Variants in ADD1 observed in about 807,000 individuals in gnomAD.
ADD1 encodes adducin 1, also known as alpha-adducin.
Under a neutral mutation model 80.5 loss-of-function variants are expected in ADD1, and 24 were observed. The ratio of observed to expected loss-of-function variants is 0.30; its 90% CI spans 0.22 to 0.42. The LOEUF is 0.42. Ranked by LOEUF, ADD1 falls within the 10% of genes least tolerant of loss-of-function variation. ADD1 has a pLI of 1.00. For missense variants in ADD1, 948 were observed against 1,019.0 expected (o/e 0.93, Z 0.95); for synonymous variants, 373 against 393.8 (o/e 0.95, Z 0.63).
At chr4:2,856,360 T>C (rs1728063741) in intron 1 of ADD1, among the ~76,000 whole-genome samples, 1 of 152,198 alleles carries the variant, frequency 6.6e-6, no homozygotes, top group African/African-American at 2.4e-5. Flanking sequence ...CTGTCTTTTT[T>C]TCTTCTGGCT....
intron 1 of ADD1, among the ~76,000 whole-genome samples, chr4:2,850,489 G>C (rs1432718598): frequency 1.3e-5 from 2 of 151,844 alleles, no homozygotes; most frequent in African/African-American, 4.8e-5. Flanking sequence ...GCAGTGGCAC[G>C]ATCTTGGCTC....
chr4:2,915,678 C>T (rs1738881321), intron 14 of ADD1, among the ~76,000 whole-genome samples: 1 of 152,054 alleles, frequency 6.6e-6, no homozygotes, highest in South Asian at 2.1e-4. Context: ...ACAAAATTAG[C>T]CAGGTGTAGT....
intron 1 of ADD1, among the ~76,000 whole-genome samples, chr4:2,846,530 G>T (rs1320372493): frequency 1.3e-5 from 2 of 152,112 alleles, no homozygotes; most frequent in Non-Finnish European, 2.9e-5. Context: ...TTATTAAATA[G>T]AATATTTTTA....
intron 4 of ADD1, among the ~76,000 whole-genome samples, chr4:2,891,123 T>TAA (rs199866380): frequency 6.9e-6 from 1 of 145,490 alleles, no homozygotes; most frequent in Non-Finnish European, 1.5e-5. Flanking sequence ...TGTCTCTATT[T>TAA]TAAAAAAAAA....
chr4:2,899,421 A>T lies in ADD1; in HGVS notation c.1147A>T (p.Met383Leu). ...GEQEFEALMR[M>L]LDNLGYRTGY... Reference sequence around the variant, plus strand: ...GCAGGAATTTGAAGCCCTCATGCGGATGCTCGATAATCTGGTAAGAATGGT... The same window carrying T: ...GCAGGAATTTGAAGCCCTCATGCGGTTGCTCGATAATCTGGTAAGAATGGT... Residue 383 changes from methionine (M) to leucine (L), a missense_variant, in exon 9 of 16, where the codon ATG becomes TTG. Met to Leu is a conservative substitution (Grantham distance 15). Coordinates refer to ENST00000683351, the MANE Select transcript of ADD1 (RefSeq NM_001354761.2). The T allele has an allele frequency of 6.2e-7, 1 of 1,614,192 alleles. No individual in the cohort carries two copies.
intron 14 of ADD1, 35 bp from the exon 15 acceptor site, chr4:2,925,979 A>G (rs773970184): frequency 2.5e-6 from 4 of 1,599,166 alleles, no homozygotes; most frequent in Non-Finnish European, 3.4e-6. Context: ...CGTGGCGTCC[A>G]CAGCTCCTAC....
intron 14 of ADD1, among the ~76,000 whole-genome samples, chr4:2,921,478 G>A (rs1740032321): frequency 1.3e-5 from 2 of 152,194 alleles, no homozygotes; most frequent in South Asian, 2.1e-4. Context: ...CTCTCTTCTG[G>A]CTTGTAGGGT....
chr4:2,866,110 CTTGT>C (rs1331266441), intron 1 of ADD1, among the ~76,000 whole-genome samples: 2 of 152,198 alleles, frequency 1.3e-5, no homozygotes, highest in African/African-American at 4.8e-5. Context: ...CTTGGAAGAA[CTTGT>C]TTAAGAGTAT....
rs566406968 is a variant in ADD1 at position 2,912,695 on chromosome 4, T to A, written c.1792-2189T>A. Among the ~76,000 whole-genome samples, 6 of 152,202 alleles carry A rather than the reference T, an allele frequency of 3.9e-5. No individual in the cohort carries two copies. The East Asian group carries it at 1.2e-3, about 29-fold the overall frequency. On this transcript the variant is annotated intron_variant, in intron 13 of 15. Transcript: ENST00000683351. ...GTGCATGCCACCATGCTTGGCTAAT[T>A]TTTAAATTTTTTGTAGAGACAAGGT... is the stretch of plus-strand genomic sequence containing the variant.
At chr4:2,904,734 T>C in intron 9 of ADD1, 30 bp from the exon 10 acceptor site, 12 of 1,579,822 alleles carry the variant, frequency 7.6e-6, no homozygotes, top group Non-Finnish European at 1.0e-5. Context: ...TCTGGAATAT[T>C]GACTGTCTTT....
intron 1 of ADD1, among the ~76,000 whole-genome samples, chr4:2,845,292 C>T (rs1332407290): frequency 6.6e-6 from 1 of 152,156 alleles, no homozygotes; most frequent in African/African-American, 2.4e-5. Context: ...AGGATGGTCT[C>T]AGTCTCTTGA....
At position 2,894,881 on chromosome 4, in the gene ADD1, C is replaced by G. The variant is rs1451449901; in HGVS notation, c.741+150C>G. 6.7e-6 allele frequency: 6 copies of G among 894,386 alleles called. No homozygotes were observed. The African/African-American group carries it at 7.2e-5, about 11-fold the overall frequency. The allele number at this position is 894,386 out of a possible 1,614,324, so 55.4% of individuals were successfully genotyped here. A position where few individuals can be genotyped will look rare whatever the true frequency, so the allele number is the denominator to read the frequency against. On this transcript the variant is annotated intron_variant, in intron 6 of 15. Transcript: ENST00000683351. ...AAGGTGTACCACTAAGTTTGACTTT[C>G]TTAAAATAATTTTTTTTCCTTTTAA...
Position 2,928,682 on chromosome 4 carries a change from C to T in ADD1, c.*159C>T. The T allele has an allele frequency of 5.5e-6, 4 of 728,850 alleles. No individual in the cohort carries two copies. Among genetic ancestry groups the T allele is most frequent in the Non-Finnish European group, 8.9e-6 (4 of 451,544 alleles). 45.1% of individuals were successfully genotyped at this position (728,850 alleles called of 1,614,324 possible). On this transcript the variant is annotated 3_prime_UTR_variant, in exon 16 of 16. Coordinates refer to ENST00000683351, the MANE Select transcript of ADD1 (RefSeq NM_001354761.2). ...CCAGCCCCGTGTAGCCCCGGGCTGACCCAGTGTGTGCTCAGCAGCCCCACC... is the reference window on the plus strand; with the variant it reads ...CCAGCCCCGTGTAGCCCCGGGCTGATCCAGTGTGTGCTCAGCAGCCCCACC...
intron 14 of ADD1, among the ~76,000 whole-genome samples, chr4:2,921,151 G>A (rs1216318154): frequency 1.3e-5 from 2 of 151,618 alleles, no homozygotes; most frequent in African/African-American, 4.8e-5. Context: ...TTTTTGAGAC[G>A]GAGTCTTGCT....
At chr4:2,862,088 A>G (rs1728903356) in intron 1 of ADD1, among the ~76,000 whole-genome samples, 1 of 151,952 alleles carries the variant, frequency 6.6e-6, no homozygotes, top group African/African-American at 2.4e-5. Flanking sequence ...GTACTGGGGC[A>G]GCCCAGCAGG....
intron 4 of ADD1, among the ~76,000 whole-genome samples, chr4:2,891,125 A>T (rs1003486620): frequency 1.7e-4 from 24 of 143,564 alleles, no homozygotes; most frequent in Non-Finnish European, 2.3e-4. Context: ...TCTCTATTTT[A>T]AAAAAAAAAA....
chr4:2,856,584 G>GTTTTT (rs35341139), intron 1 of ADD1, among the ~76,000 whole-genome samples: 5 of 105,790 alleles, frequency 4.7e-5, no homozygotes, highest in African/African-American at 7.0e-5. Context: ...GGTTACTAGA[G>GTTTTT]TTTTTTTTTT....
rs761042261 is a variant in ADD1 at position 2,882,012 on chromosome 4, A to T, written c.310A>T (p.Asn104Tyr). ...IADFMTTNVPNVYPAAPQGGM... is the reference protein window; with the variant it reads ...IADFMTTNVPYVYPAAPQGGM... ...AGATTTTATGACCACGAATGTACCA[A>T]ATGTCTACCCAGCAGCTCCGCAAGG... Residue 104 changes from asparagine to tyrosine, a missense_variant, in exon 3 of 16, where the codon AAT becomes TAT. Physicochemically the swap from Asn to Tyr is moderately radical, Grantham distance 143. Coordinates refer to ENST00000683351, the MANE Select transcript of ADD1 (RefSeq NM_001354761.2). The T allele has an allele frequency of 5.0e-6, 8 of 1,613,098 alleles. No individual in the cohort carries two copies. In the Admixed American group the frequency reaches 1.2e-4, roughly 24 times the overall value.
At chr4:2,850,920 GC>G (rs1177844722) in intron 1 of ADD1, among the ~76,000 whole-genome samples, 2 of 152,198 alleles carry the variant, frequency 1.3e-5, no homozygotes, top group Non-Finnish European at 2.9e-5. Flanking sequence ...GTTGACTGGG[GC>G]TCCAGCTGGG....
Sources: allele counts gnomAD v4.1 joint callset (sites outside exome capture counted in the v4.1 genomes callset), GRCh38; gene constraint gnomAD v4.1.1; transcripts MANE v1.5; gene names NCBI Gene and HGNC (gene_info 2026-07-23, HGNC 2026-07-21).